The following METTL21A variants were observed in gnomAD, a reference collection of about 807,000 sequenced individuals.
METTL21A encodes protein N-lysine methyltransferase METTL21A.
A neutral mutation model predicts 20.9 loss-of-function variants in METTL21A; 22 were observed. The ratio of observed to expected loss-of-function variants is 1.05; its 90% CI spans 0.75 to 1.50. METTL21A has a LOEUF of 1.50. METTL21A is among the 40% of genes most tolerant of loss of function. The pLI is 0.00. For synonymous variants in METTL21A, 93 were observed against 102.0 expected, an observed-to-expected ratio of 0.91 and a Z score of 0.53; for missense variants, 271 against 266.8, an observed-to-expected ratio of 1.02 and a Z score of -0.11.
At chr2:207,590,618 C>A (rs562889245) in intron 3 of METTL21A, among the ~76,000 whole-genome samples, 1 of 152,002 alleles carries the variant, frequency 6.6e-6, no homozygotes, top group Admixed American at 6.5e-5. Flanking sequence ...TTTCTTAAGA[C>A]AATAGTTGGA....
intron 3 of METTL21A, among the ~76,000 whole-genome samples, chr2:207,584,310 C>T (rs927001475): frequency 1.3e-5 from 2 of 152,148 alleles, no homozygotes; most frequent in African/African-American, 2.4e-5. Context: ...TGTATCCTTG[C>T]CAAAACTTGA....
intron 3 of METTL21A, among the ~76,000 whole-genome samples, chr2:207,590,878 T>C (rs925648510): frequency 2.6e-5 from 4 of 152,206 alleles, no homozygotes; most frequent in African/African-American, 9.6e-5. Context: ...AAATTTCCAT[T>C]TTAGCATTGG....
At chr2:207,587,199 C>T (rs1464183653) in intron 3 of METTL21A, among the ~76,000 whole-genome samples, 4 of 152,238 alleles carry the variant, frequency 2.6e-5, no homozygotes, top group Middle Eastern at 6.8e-3. Context: ...CGAGACCATC[C>T]TGGCTAACAC....
At chr2:207,620,793 A>G (rs1184318269) in intron 3 of METTL21A, 3 of 1,106,064 alleles carry the variant, frequency 2.7e-6, no homozygotes, top group Non-Finnish European at 3.8e-6. Flanking sequence ...AGCAGCAGCT[A>G]AGCAGAAAAA....
chr2:207,590,002 T>C (rs1435769202), intron 3 of METTL21A, among the ~76,000 whole-genome samples: 1 of 151,926 alleles, frequency 6.6e-6, no homozygotes, highest in Non-Finnish European at 1.5e-5. Context: ...GAGATTATAA[T>C]ATTTGTATTA....
chr2:207,613,384 G>A lies in METTL21A; in HGVS notation c.319C>T (p.Gln107Ter). The stretch of plus-strand genomic sequence containing the variant: ...TGGATATGAGGAGGTAAGTTGGCTT[G>A]AACGTTTGATTTAAGAAATTCTAAT... Residue 107 changes from glutamine (Q) to a stop codon, truncating the protein, a stop_gained, in exon 4 of 4, where the codon CAA becomes TAA. Coordinates refer to ENST00000406927, the Ensembl canonical transcript of METTL21A. LOFTEE classifies it high-confidence loss of function. 6.2e-7 allele frequency: 1 copy of A among 1,609,476 alleles called. No individual in the cohort carries two copies. The highest frequency in any genetic ancestry group is 8.5e-7 in the Non-Finnish European group (1 of 1,178,992).
chr2:207,615,900 T>C lies in METTL21A; in HGVS notation c.260-2457A>G, dbSNP rs957308938. The stretch of plus-strand genomic sequence containing the variant: ...GGGATTTCTTAATAGCCAATGTCTC[T>C]CTTCTATGATTGTTTTTTTTTTCCC... On this transcript the variant is annotated intron_variant, in intron 3 of 3. Transcript: ENST00000406927. 2.6e-5 allele frequency among the ~76,000 whole-genome samples: 4 copies of C among 151,778 alleles called. No individual in the cohort carries two copies. The East Asian group carries it at 5.8e-4, about 22-fold the overall frequency.
chr2:207,588,384 A>G (rs1165806548), intron 3 of METTL21A, among the ~76,000 whole-genome samples: 3 of 152,100 alleles, frequency 2.0e-5, no homozygotes, highest in Non-Finnish European at 4.4e-5. Flanking sequence ...ATATCTTTCC[A>G]TTGATCTTTG....
At chr2:207,594,244 A>G (rs2085672215) in intron 3 of METTL21A, among the ~76,000 whole-genome samples, 1 of 152,190 alleles carries the variant, frequency 6.6e-6, no homozygotes, top group Non-Finnish European at 1.5e-5. Context: ...AAATATAACA[A>G]AATTGACCAT....
chr2:207,612,927 T>C, exon 4 of METTL21A: 1 of 1,064,586 alleles, frequency 9.4e-7, no homozygotes, highest in Non-Finnish European at 1.3e-6. Flanking sequence ...CTTTCTCCCC[T>C]GAGAACCTTT....
chr2:207,585,655 A>G (rs1268622718), intron 3 of METTL21A, among the ~76,000 whole-genome samples: 1 of 152,248 alleles, frequency 6.6e-6, no homozygotes, highest in Non-Finnish European at 1.5e-5. Flanking sequence ...AAGAAACAAC[A>G]GAACACAGAT....
chr2:207,588,747 G>GTT (rs2084383700), intron 3 of METTL21A, among the ~76,000 whole-genome samples: 2 of 145,290 alleles, frequency 1.4e-5, no homozygotes, highest in South Asian at 4.3e-4. Context: ...TTTTTTGTGT[G>GTT]TGGGGGTGGG....
At chr2:207,604,615 ATAAAT>A (rs935671091), downstream of METTL21A, among the ~76,000 whole-genome samples, 7 of 152,244 alleles carry the variant, frequency 4.6e-5, no homozygotes, top group African/African-American at 1.4e-4. Context: ...TGCAATTCAC[ATAAAT>A]TAACTTTTTA....
At position 207,620,733 on chromosome 2, in the gene METTL21A, A is replaced by G. The variant is rs758103124; in HGVS notation, c.259+1073T>C. The G allele has an allele frequency of 1.1e-4, 161 of 1,526,644 alleles. No homozygotes were observed. The African/African-American group carries it at 1.9e-3, about 18-fold the overall frequency. The allele number at this position is 1,526,644 out of a possible 1,614,324, so 94.6% of individuals were successfully genotyped here. On this transcript the variant is annotated intron_variant, in intron 3 of 3. Coordinates refer to ENST00000406927, the Ensembl canonical transcript of METTL21A. ...CGGACGGAAACCTCTGTCAATTTAC[A>G]CAGACTTTCAACCACCACCCCTGCC...
chr2:207,589,457 G>T (rs2084541109), intron 3 of METTL21A, among the ~76,000 whole-genome samples: 1 of 152,044 alleles, frequency 6.6e-6, no homozygotes, highest in African/African-American at 2.4e-5. Context: ...CTATTTTAAG[G>T]TCAGCTAATT....
exon 4 of METTL21A, chr2:207,582,143 A>T (rs1435100618): frequency 2.8e-6 from 2 of 702,938 alleles, no homozygotes; most frequent in Admixed American, 4.0e-5. Flanking sequence ...CAAGGGGAGG[A>T]GAATTAAATT....
chr2:207,604,007 A>T (rs758045223), intron 3 of METTL21A, among the ~76,000 whole-genome samples: 4 of 152,196 alleles, frequency 2.6e-5, no homozygotes, highest in African/African-American at 9.6e-5. Context: ...AATGAATTTC[A>T]TTTATTTTCT....
chr2:207,601,539 CAA>C (rs1388060945), intron 3 of METTL21A: 1 of 198,282 alleles, frequency 5.0e-6, no homozygotes, highest in Non-Finnish European at 1.0e-5. Flanking sequence ...GAAAATAACT[CAA>C]GTGCATAATA....
intron 3 of METTL21A, chr2:207,620,779 G>A (rs949297142): frequency 7.6e-5 from 98 of 1,293,620 alleles, no homozygotes; most frequent in Non-Finnish European, 9.9e-5. Context: ...GTCGAATTTT[G>A]GAAAGCAGCA....
Sources: gnomAD v4.1 joint callset for allele counts (sites outside exome capture counted in the v4.1 genomes callset) on GRCh38, gnomAD v4.1.1 for gene constraint, MANE v1.5 for transcripts, NCBI Gene and HGNC (gene_info 2026-07-23, HGNC 2026-07-21) for gene names.